GPR155: variants seen among roughly 807,000 people sequenced by gnomAD.
GPR155 encodes the protein G protein-coupled receptor 155.
In GPR155, 65 loss-of-function variants were observed where a neutral mutation model predicts 93.1. That is an observed-to-expected ratio of 0.70 (90% CI 0.57 to 0.86). The LOEUF (loss-of-function observed/expected upper bound fraction) is 0.86. Among genes scored for constraint, GPR155 ranks in the 40% least tolerant of loss-of-function variants. The pLI, the probability that GPR155 is intolerant of heterozygous loss-of-function variation, is 0.00. For missense variants in GPR155, 838 were observed against 1,034.8 expected (o/e 0.81, Z 2.61); for synonymous variants, 319 against 360.1 (o/e 0.89, Z 1.29).
intron 2 of GPR155, among the ~76,000 whole-genome samples, chr2:174,481,002 C>T (rs551097792): frequency 8.5e-5 from 13 of 152,224 alleles, no homozygotes; most frequent in Admixed American, 8.5e-4. Flanking sequence ...TGGTCTCGAA[C>T]TCCTAGGCTC....
At chr2:174,480,709 TAAAC>T (rs1688293606) in intron 2 of GPR155, among the ~76,000 whole-genome samples, 1 of 152,152 alleles carries the variant, frequency 6.6e-6, no homozygotes, top group East Asian at 1.9e-4. Flanking sequence ...TTTTTTTTCT[TAAAC>T]AAGAAATTAA....
chr2:174,436,121 T>C lies in GPR155; in HGVS notation c.2608A>G (p.Thr870Ala), dbSNP rs1167779955. The C allele has an allele frequency of 5.6e-6, 9 of 1,610,872 alleles. No homozygotes were observed. Among genetic ancestry groups the C allele is most frequent in the African/African-American group, 2.7e-5 (2 of 74,814 alleles). The change falls in exon 16 of 16, where the codon ACC becomes GCC. Residue 870 changes from threonine (T) to alanine (A), a missense_variant. Thr to Ala is a moderately conservative substitution (Grantham distance 58). Coordinates refer to ENST00000392552, the MANE Select transcript of GPR155 (RefSeq NM_152529.7). ...AGGGTTCTCCCCTGCATAATTTAGG[T>C]CTTAGGGGAATGTGAGGGTGGGGAT... ...HSSPPSHSPK[T>A]
At chr2:174,465,158 C>A (rs1268355986) in intron 7 of GPR155, among the ~76,000 whole-genome samples, 1 of 152,202 alleles carries the variant, frequency 6.6e-6, no homozygotes, top group Non-Finnish European at 1.5e-5. Context: ...AACAGTCTTT[C>A]TCACTGGGTC....
intron 9 of GPR155, among the ~76,000 whole-genome samples, chr2:174,460,317 C>G (rs1002356257): frequency 6.6e-6 from 1 of 151,832 alleles, no homozygotes; most frequent in African/African-American, 2.4e-5. Flanking sequence ...CCCGCCACCA[C>G]AACCCAGCTA....
rs1170869136 is a variant in GPR155 at position 174,484,992 on chromosome 2, A to G, written c.-32+1881T>C. ...TTATCACAGAGTAGGCCTTCAAAAA[A>G]CGGCAGCAATTGCTATTAGGAACTG... On this transcript the variant is annotated intron_variant, in intron 1 of 15. Coordinates refer to ENST00000392552, the MANE Select transcript of GPR155 (RefSeq NM_152529.7). 2.0e-5 allele frequency among the ~76,000 whole-genome samples: 3 copies of G among 152,222 alleles called. 1 individual carries two copies. The highest frequency in any genetic ancestry group is 4.4e-5 in the Non-Finnish European group (3 of 68,044).
chr2:174,477,266 CTAAT>C (rs1427599619), intron 2 of GPR155, among the ~76,000 whole-genome samples: 1 of 151,788 alleles, frequency 6.6e-6, no homozygotes, highest in East Asian at 1.9e-4. Context: ...CTAAATCAAG[CTAAT>C]TAAAATATGC....
At chr2:174,461,147 A>G (rs1687680984) in intron 9 of GPR155, among the ~76,000 whole-genome samples, 1 of 152,216 alleles carries the variant, frequency 6.6e-6, no homozygotes, top group Non-Finnish European at 1.5e-5. Context: ...TCTCCAGCAC[A>G]GGAAACACAA....
At chr2:174,453,602 G>A (rs905126515) in intron 11 of GPR155, 135 bp downstream of exon 11, 5 of 540,640 alleles carry the variant, frequency 9.2e-6, no homozygotes, top group Non-Finnish European at 1.7e-5. Flanking sequence ...ACAGCTTGCA[G>A]TGAGCCAAGA....
At chr2:174,454,128 T>C (rs896162528) in intron 10 of GPR155, among the ~76,000 whole-genome samples, 2 of 151,972 alleles carry the variant, frequency 1.3e-5, no homozygotes, top group Non-Finnish European at 2.9e-5. Flanking sequence ...AGGATTTTGT[T>C]TTGTTTTGTT....
chr2:174,462,901 A>AT (rs542308444), intron 7 of GPR155, among the ~76,000 whole-genome samples: 15 of 152,280 alleles, frequency 9.9e-5, no homozygotes, highest in Middle Eastern at 3.4e-3. Context: ...AGGGACCTCT[A>AT]TTTTTAAATG....
chr2:174,478,988 G>A (rs976807621), intron 2 of GPR155, among the ~76,000 whole-genome samples: 10 of 151,836 alleles, frequency 6.6e-5, no homozygotes, highest in African/African-American at 9.7e-5. Flanking sequence ...AAAAGCACTC[G>A]TCTAATATAT....
At chr2:174,481,463 T>G (rs756111295) in intron 2 of GPR155, 34 bp downstream of exon 2, 62 of 1,312,074 alleles carry the variant, frequency 4.7e-5, no homozygotes, top group Non-Finnish European at 6.5e-5. Context: ...AAAATTGAAT[T>G]TTTTAAACAC....
chr2:174,450,289 A>G (rs1460260481), intron 11 of GPR155, among the ~76,000 whole-genome samples: 1 of 152,178 alleles, frequency 6.6e-6, no homozygotes. Context: ...TCATGGACAT[A>G]AAGATGGTAA....
intron 2 of GPR155, among the ~76,000 whole-genome samples, chr2:174,480,604 G>A (rs1304682761): frequency 6.6e-6 from 1 of 151,864 alleles, no homozygotes; most frequent in Non-Finnish European, 1.5e-5. Flanking sequence ...TGTTTCATTA[G>A]TAAAACATAT....
chr2:174,444,563 G>A (rs1482957682), intron 13 of GPR155, among the ~76,000 whole-genome samples: 2 of 137,886 alleles, frequency 1.5e-5, no homozygotes, highest in Admixed American at 1.6e-4. Flanking sequence ...CACAGTCTCA[G>A]CTCGCTGCAA....
At chr2:174,469,742 T>C (rs1261943056) in intron 4 of GPR155, among the ~76,000 whole-genome samples, 1 of 152,172 alleles carries the variant, frequency 6.6e-6, no homozygotes, top group African/African-American at 2.4e-5. Context: ...AGAAATAAAA[T>C]AGTTAAAACT....
At chr2:174,447,647 A>C (rs968291234) in intron 11 of GPR155, among the ~76,000 whole-genome samples, 2 of 146,288 alleles carry the variant, frequency 1.4e-5, no homozygotes, top group African/African-American at 2.5e-5. Flanking sequence ...TATTAAATAT[A>C]TAATATATAT....
At position 174,432,591 on chromosome 2, in the gene GPR155, G is replaced by A. The variant is rs1423485981; in HGVS notation, c.*3525C>T. 6.6e-6 allele frequency: 1 copy of A among 152,050 alleles called. No individual in the cohort carries two copies. Among genetic ancestry groups the A allele is most frequent in the Non-Finnish European group, 1.5e-5 (1 of 68,006 alleles). 9.4% of individuals were successfully genotyped at this position (152,050 alleles called of 1,614,324 possible). A position where few individuals can be genotyped will look rare whatever the true frequency, so the allele number is the denominator to read the frequency against. On this transcript the variant is annotated 3_prime_UTR_variant, in exon 16 of 16. Transcript: ENST00000392552. ...GCAATGAGGCCTTAGACTTACCCTT[G>A]AGCATTCAGAGTCATAATATGGTCT...
chr2:174,481,462 T>A (rs1235256194), intron 2 of GPR155, 35 bp downstream of exon 2: 1 of 1,304,176 alleles, frequency 7.7e-7, no homozygotes, highest in Non-Finnish European at 1.1e-6. Context: ...TAAAATTGAA[T>A]TTTTTAAACA....
Sources: allele counts gnomAD v4.1 joint callset (sites outside exome capture counted in the v4.1 genomes callset), GRCh38; gene constraint gnomAD v4.1.1; transcripts MANE v1.5; gene names NCBI Gene and HGNC (gene_info 2026-07-23, HGNC 2026-07-21).